The following SMC6 variants were observed in gnomAD, a reference collection of about 807,000 sequenced individuals.
SMC6 encodes the protein structural maintenance of chromosomes 6, also known as structural maintenance of chromosomes protein 6.
In SMC6, 79 loss-of-function variants were observed where a neutral mutation model predicts 142.2. The ratio of observed to expected loss-of-function variants is 0.56; its 90% confidence interval spans 0.46 to 0.67. The LOEUF (loss-of-function observed/expected upper bound fraction) is 0.67, where lower values mean the gene tolerates loss of function less well. Among genes scored for constraint, SMC6 ranks in the 30% least tolerant of loss-of-function variants. The probability of loss-of-function intolerance (pLI) is 0.00; values close to 1 mark genes in which losing one functional copy is unlikely to be tolerated. For missense variants in SMC6, 1,072 were observed against 1,284.0 expected (o/e 0.83, Z 2.52); for synonymous variants, 411 against 412.4 (o/e 1.00, Z 0.04).
chr2:17,711,992 G>A (rs1300210154), intron 16 of SMC6, among the ~76,000 whole-genome samples: 1 of 152,152 alleles, frequency 6.6e-6, no homozygotes, highest in African/African-American at 2.4e-5. Context: ...ACTATGAAGA[G>A]AGCTGTGCGG....
chr2:17,717,867 C>A (rs1669174759), intron 12 of SMC6, among the ~76,000 whole-genome samples: 1 of 151,490 alleles, frequency 6.6e-6, no homozygotes, highest in Non-Finnish European at 1.5e-5. Flanking sequence ...TGTCTGTAGT[C>A]CCAGCTACTC....
intron 7 of SMC6, among the ~76,000 whole-genome samples, chr2:17,730,769 A>AT (rs753341570): frequency 0.025 from 3,543 of 139,138 alleles, 87 homozygotes; most frequent in African/African-American, 0.049. Context: ...CACCCAGCTA[A>AT]TTTTTTTTTT....
At chr2:17,685,908 T>C (rs1008170467) in intron 23 of SMC6, among the ~76,000 whole-genome samples, 3 of 151,894 alleles carry the variant, frequency 2.0e-5, no homozygotes, top group African/African-American at 7.3e-5. Context: ...ATATATATGT[T>C]AAAAACTTAA....
intron 7 of SMC6, among the ~76,000 whole-genome samples, chr2:17,730,842 G>C (rs1014723900): frequency 6.6e-6 from 1 of 150,694 alleles, no homozygotes; most frequent in Non-Finnish European, 1.5e-5. Flanking sequence ...TTGAACTCCT[G>C]ACCTCAGGTG....
At chr2:17,742,474 G>A (rs745744026) in intron 3 of SMC6, among the ~76,000 whole-genome samples, 1 of 152,106 alleles carries the variant, frequency 6.6e-6, no homozygotes, top group Admixed American at 6.6e-5. Flanking sequence ...GTTAGATAAG[G>A]TTTACAAATG....
At chr2:17,728,382 C>A (rs58052432) in intron 7 of SMC6, among the ~76,000 whole-genome samples, 2 of 151,952 alleles carry the variant, frequency 1.3e-5, no homozygotes, top group Non-Finnish European at 2.9e-5. Context: ...TGCAGGGAGT[C>A]GTGATCATGC....
In SMC6 at chr2:17,745,915, G is replaced by A; in HGVS notation, c.32C>T (p.Ser11Phe). The A allele has an allele frequency of 6.2e-7, 1 of 1,610,576 alleles. No individual in the cohort carries two copies. The highest frequency in any genetic ancestry group is 1.1e-5 in the South Asian group (1 of 90,340). MAKRKEENFS[S>F]PKNAKRPRQE... ...TCTTGGCCTTTTGGCATTTTTAGGAGAGGAAAAATTTTCTTCCTTTCTTTT... is the reference window on the plus strand; with the variant it reads ...TCTTGGCCTTTTGGCATTTTTAGGAAAGGAAAAATTTTCTTCCTTTCTTTT... The change falls in exon 3 of 28, where the codon TCT becomes TTT. Residue 11 changes from serine (S) to phenylalanine (F), a missense_variant. Around this residue, in one of 3 missense-constraint regions of SMC6, gnomAD observed 994 missense variants for 1,153.2 expected, o/e 0.86. Transcript: ENST00000448223.
Position 17,703,163 on chromosome 2 carries a change from T to C in SMC6, c.2136A>G (p.Glu712=), listed in dbSNP as rs1161732008. Residue 712 remains glutamate, a synonymous_variant, in exon 19 of 28, where the codon GAA becomes GAG. Transcript: ENST00000448223. ...ATTATTATTATTTTTTTACCTTTAG[T>C]TCTTTATAATGTAGTTGGCACCTTT... ...LLKRCQLHYK[E]LKMKIRKNIS... The C allele has an allele frequency of 7.0e-6, 10 of 1,423,396 alleles. No individual in the cohort carries two copies. The highest frequency in any genetic ancestry group is 9.7e-6 in the Non-Finnish European group (10 of 1,032,846). 88.2% of individuals were successfully genotyped at this position (1,423,396 alleles called of 1,614,324 possible). A position where few individuals can be genotyped will look rare whatever the true frequency, so the allele number is the denominator to read the frequency against.
chr2:17,715,529 G>A (rs1374864530), intron 15 of SMC6, among the ~76,000 whole-genome samples: 2 of 151,730 alleles, frequency 1.3e-5, no homozygotes, highest in East Asian at 3.9e-4. Flanking sequence ...ATACTTAAAT[G>A]CAATACTTTA....
chr2:17,714,786 A>G, intron 16 of SMC6, 75 bp downstream of exon 16: 2 of 1,427,402 alleles, frequency 1.4e-6, no homozygotes, highest in Non-Finnish European at 1.9e-6. Flanking sequence ...ATTAACATTA[A>G]AAGTGTTTTA....
At chr2:17,749,525 T>C (rs953139219) in intron 2 of SMC6, among the ~76,000 whole-genome samples, 2 of 152,018 alleles carry the variant, frequency 1.3e-5, no homozygotes, top group Admixed American at 1.3e-4. Flanking sequence ...CCGTCTCTAC[T>C]AAAAATACAA....
intron 12 of SMC6, 31 bp from the exon 13 acceptor site, chr2:17,717,207 A>T: frequency 6.6e-7 from 1 of 1,516,458 alleles, no homozygotes; most frequent in Non-Finnish European, 9.0e-7. Flanking sequence ...CACTTTACAA[A>T]AATGAAAACA....
intron 16 of SMC6, 29 bp from the exon 17 acceptor site, chr2:17,708,782 CT>C: frequency 1.7e-6 from 2 of 1,193,562 alleles, no homozygotes; most frequent in South Asian, 2.0e-5. Flanking sequence ...GAAGGATTAA[CT>C]TAGCAAATTT....
At chr2:17,748,637 C>A (rs185438568) in intron 2 of SMC6, among the ~76,000 whole-genome samples, 1 of 152,258 alleles carries the variant, frequency 6.6e-6, no homozygotes, top group East Asian at 1.9e-4. Context: ...GAGATACTAC[C>A]AGGCCATTAT....
At chr2:17,718,567 T>G (rs549177637) in intron 11 of SMC6, among the ~76,000 whole-genome samples, 1 of 152,282 alleles carries the variant, frequency 6.6e-6, no homozygotes, top group South Asian at 2.1e-4. Context: ...TATTTTTAAT[T>G]GTGGTAGCAC....
intron 11 of SMC6, among the ~76,000 whole-genome samples, chr2:17,720,230 T>C (rs1223135978): frequency 6.6e-6 from 1 of 151,922 alleles, no homozygotes; most frequent in Non-Finnish European, 1.5e-5. Flanking sequence ...GTATAAAGAG[T>C]GGATCTGCTG....
chr2:17,726,973 GACA>G (rs1468441239), intron 7 of SMC6, among the ~76,000 whole-genome samples: 8 of 152,194 alleles, frequency 5.3e-5, no homozygotes, highest in Non-Finnish European at 1.0e-4. Flanking sequence ...TGAGAATCAT[GACA>G]ACAAGTATTG....
At chr2:17,671,782 A>T (rs1025474073) in intron 25 of SMC6, among the ~76,000 whole-genome samples, 5 of 151,950 alleles carry the variant, frequency 3.3e-5, no homozygotes, top group Non-Finnish European at 7.4e-5. Context: ...CAACTAATAA[A>T]ATTAACAGCA....
At chr2:17,678,606 GAAAAAAAAA>G (rs544540923) in intron 25 of SMC6, among the ~76,000 whole-genome samples, 1 of 124,346 alleles carries the variant, frequency 8.0e-6, no homozygotes, top group Non-Finnish European at 1.7e-5. Context: ...TGTCTATACG[GAAAAAAAAA>G]AAAAAAAAAA....
Sources: allele counts gnomAD v4.1 joint callset (sites outside exome capture counted in the v4.1 genomes callset), GRCh38; gene constraint gnomAD v4.1.1; regional missense constraint gnomAD v4.1.1; transcripts MANE v1.5; gene names NCBI Gene and HGNC (gene_info 2026-07-23, HGNC 2026-07-21).